SLFN12: variants seen among roughly 807,000 people sequenced by gnomAD.
SLFN12 encodes the protein ribonuclease SLFN12.
Under a neutral mutation model 29.1 loss-of-function variants are expected in SLFN12, and 25 were observed. That is an observed-to-expected ratio of 0.86 (90% CI 0.63 to 1.20). SLFN12 has a LOEUF of 1.20. SLFN12 is among the 50% of genes most tolerant of loss of function. The probability of loss-of-function intolerance (pLI) is 0.00; values close to 1 mark genes in which losing one functional copy is unlikely to be tolerated. For synonymous variants in SLFN12, 257 were observed against 238.7 expected, an observed-to-expected ratio of 1.08 and a Z score of -0.71; for missense variants, 660 against 666.2, an observed-to-expected ratio of 0.99 and a Z score of 0.10.
At position 35,422,855 on chromosome 17, in the gene SLFN12, C is replaced by G. The variant is rs539915951; in HGVS notation, c.174G>C (p.Val58=). ...MCALLNSGGG[V]IKAEIENEDY... The stretch of plus-strand genomic sequence containing the variant: ...CTTCATTCTCAATTTCAGCCTTGAT[C>G]ACTCCCCCTCCAGAATTGAGCAGAG... Residue 58 remains valine (V), a synonymous_variant, in exon 2 of 4, where the codon GTG becomes GTC. Coordinates refer to ENST00000304905, the MANE Select transcript of SLFN12 (RefSeq NM_018042.5). 5 of 1,613,978 alleles carry G rather than the reference C, an allele frequency of 3.1e-6. No homozygotes were observed. In the African/African-American group the frequency reaches 5.3e-5, roughly 17 times the overall value.
chr17:35,421,696 C>T (rs112814126), intron 2 of SLFN12, among the ~76,000 whole-genome samples: 9,757 of 151,928 alleles, frequency 0.064, 468 homozygotes, highest in Middle Eastern at 0.2. Flanking sequence ...CGTGCCATCA[C>T]ACCCAGCTAA....
At chr17:35,428,347 G>A (rs772294) in intron 1 of SLFN12, among the ~76,000 whole-genome samples, 85,007 of 151,792 alleles carry the variant, frequency 0.56, 23,920 homozygotes, top group South Asian at 0.61. Context: ...AAAAGCTACT[G>A]GAAAGCATCT....
At chr17:35,421,190 C>A (rs1911614398) in intron 2 of SLFN12, among the ~76,000 whole-genome samples, 1 of 150,242 alleles carries the variant, frequency 6.7e-6, no homozygotes, top group Admixed American at 6.6e-5. Context: ...GCCTGGGTGA[C>A]AGAGCAAGAC....
chr17:35,426,653 T>C (rs779756055), intron 1 of SLFN12, among the ~76,000 whole-genome samples: 26 of 152,176 alleles, frequency 1.7e-4, no homozygotes, highest in Non-Finnish European at 2.2e-4. Context: ...TGAATTTTTG[T>C]TGGAAATTGG....
chr17:35,425,630 A>G (rs1911965106), intron 1 of SLFN12, among the ~76,000 whole-genome samples: 1 of 151,834 alleles, frequency 6.6e-6, no homozygotes, highest in Non-Finnish European at 1.5e-5. Flanking sequence ...TTAGTATTTT[A>G]TTATCTATAT....
rs766025654 is a variant in SLFN12 at position 35,422,637 on chromosome 17, A to G, written c.392T>C (p.Ile131Thr). Residue 131 changes from isoleucine (I) to threonine (T), a missense_variant, in exon 2 of 4, where the codon ATA (isoleucine) becomes ACA (threonine). Transcript: ENST00000304905. ...GGCATTCATGACTTTTGCAGATGTT[A>G]TATCTCTTTTGTACAAATTGGAGCT... is the stretch of plus-strand genomic sequence containing the variant. ...TLSSNLYKRD[I>T]TSAKVMNATA... 15 of 1,613,870 alleles carry G rather than the reference A, an allele frequency of 9.3e-6. No homozygotes were observed. In the East Asian group the frequency reaches 2.5e-4, roughly 26 times the overall value.
At chr17:35,426,448 A>G (rs2142048090) in intron 1 of SLFN12, among the ~76,000 whole-genome samples, 1 of 152,164 alleles carries the variant, frequency 6.6e-6, no homozygotes, top group African/African-American at 2.4e-5. Flanking sequence ...CTAAGTCTTT[A>G]ATCCATGTTG....
At chr17:35,418,704 A>C (rs1290397001) in intron 3 of SLFN12, among the ~76,000 whole-genome samples, 1 of 151,884 alleles carries the variant, frequency 6.6e-6, no homozygotes, top group East Asian at 1.9e-4. Flanking sequence ...TCAAAGGTGA[A>C]TTGTACTTAG....
chr17:35,419,489 A>AATATATATAT (rs1221897557), intron 3 of SLFN12, among the ~76,000 whole-genome samples: 1 of 152,122 alleles, frequency 6.6e-6, no homozygotes, highest in Non-Finnish European at 1.5e-5. Context: ...CAGAAGATGA[A>AATATATATAT]ATATATATGG....
At chr17:35,430,758 TAAAG>T (rs561803408) in intron 1 of SLFN12, 46 of 152,238 alleles carry the variant, frequency 3.0e-4, no homozygotes, top group African/African-American at 1.0e-3. Context: ...ATGAACTAAA[TAAAG>T]AATCTACCAA....
At chr17:35,430,618 G>A (rs1912256706) in intron 1 of SLFN12, 1 of 152,072 alleles carries the variant, frequency 6.6e-6, no homozygotes, top group Non-Finnish European at 1.5e-5. Flanking sequence ...GAAAACCTTT[G>A]AGAGAATACA....
chr17:35,413,749 C>CAAAAAAAAAA (rs11362952), intron 3 of SLFN12, among the ~76,000 whole-genome samples: 3 of 78,406 alleles, frequency 3.8e-5, no homozygotes, highest in Non-Finnish European at 9.0e-5. Context: ...AACCATGTCT[C>CAAAAAAAAAA]AAAAAAAAAA....
chr17:35,422,733 T>C lies in SLFN12; in HGVS notation c.296A>G (p.Asn99Ser), dbSNP rs1033788335. Residue 99 changes from asparagine (N) to serine (S), a missense_variant, in exon 2 of 4, where the codon AAT (asparagine) becomes AGT (serine). Asn to Ser is a conservative substitution (Grantham distance 46). Transcript: ENST00000304905. The part of the protein sequence containing the change: ...FVPEYLDFMQ[N>S]GNYFLIFVKS... ...CACAAAAATCAGAAAGTAGTTACCA[T>C]TCTGCATGAAGTCTAAGTACTCAGG... 4 of 1,613,948 alleles carry C rather than the reference T, an allele frequency of 2.5e-6. No individual in the cohort carries two copies. The highest frequency in any genetic ancestry group is 1.3e-5 in the African/African-American group (1 of 74,946).
At chr17:35,424,698 A>C (rs1397346031) in intron 1 of SLFN12, among the ~76,000 whole-genome samples, 1 of 152,164 alleles carries the variant, frequency 6.6e-6, no homozygotes, top group Non-Finnish European at 1.5e-5. Flanking sequence ...GTCCATATAA[A>C]TTCCTGATCA....
At position 35,411,908 on chromosome 17, in the gene SLFN12, C is replaced by CATAAA; in HGVS notation, c.1166_1167insTTTAT (p.Tyr390LeufsTer22). On this transcript the variant is annotated frameshift_variant, in exon 4 of 4. Coordinates refer to ENST00000304905, the MANE Select transcript of SLFN12 (RefSeq NM_018042.5). LOFTEE classifies it low-confidence loss of function (END_TRUNC). Reference sequence around the variant, plus strand: ...TTCTGCAAAGGTTTTCTGGAGTATACGTTATCCTTCCTGATAGCCCTGAAT... The same window carrying CATAAA: ...TTCTGCAAAGGTTTTCTGGAGTATACATAAAGTTATCCTTCCTGATAGCCCTGAAT... 1.2e-6 allele frequency: 2 copies of CATAAA among 1,601,684 alleles called. No homozygotes were observed. The highest frequency in any genetic ancestry group is 2.2e-5 in the South Asian group (2 of 89,608).
intron 1 of SLFN12, among the ~76,000 whole-genome samples, chr17:35,424,271 G>T (rs1226929679): frequency 6.6e-6 from 1 of 151,950 alleles, no homozygotes; most frequent in Admixed American, 6.6e-5. Flanking sequence ...AAGTTAAGAA[G>T]TGTGACTTAA....
rs961326808 is a variant in SLFN12, at chr17:35,423,618, A to C, written c.-40-550T>G. ...TAAATTTTGGCCATTGATCTTAAGC[A>C]AAGTGGGCTAAGTCATTGTGCCCTT... On this transcript the variant is annotated intron_variant, in intron 1 of 3. Transcript: ENST00000304905. Among the ~76,000 whole-genome samples the C allele has an allele frequency of 4.6e-5, 7 of 152,154 alleles. No individual in the cohort carries two copies. In the South Asian group the frequency reaches 1.5e-3, roughly 32 times the overall value.
intron 3 of SLFN12, among the ~76,000 whole-genome samples, chr17:35,417,272 C>T (rs1320241446): frequency 6.6e-6 from 1 of 151,864 alleles, no homozygotes; most frequent in African/African-American, 2.4e-5. Context: ...ACATCATTTG[C>T]CAATCAACAT....
intron 1 of SLFN12, among the ~76,000 whole-genome samples, chr17:35,428,056 G>T (rs1037803358): frequency 1.3e-5 from 2 of 152,072 alleles, no homozygotes; most frequent in African/African-American, 4.8e-5. Flanking sequence ...GGAAATAAAG[G>T]TTCATGGTGA....
Sources: gnomAD v4.1 joint callset for allele counts (sites outside exome capture counted in the v4.1 genomes callset) on GRCh38, gnomAD v4.1.1 for gene constraint, MANE v1.5 for transcripts, NCBI Gene and HGNC (gene_info 2026-07-23, HGNC 2026-07-21) for gene names.